SANBR: variants seen among roughly 807,000 people sequenced by gnomAD.
The protein encoded by SANBR is SANT and BTB domain regulator of CSR, also known as SANT and BTB domain regulator of class switch recombination.
In SANBR, 77 loss-of-function variants were observed where a neutral mutation model predicts 101.8. The ratio of observed to expected loss-of-function variants is 0.76; its 90% CI spans 0.63 to 0.91. The LOEUF (loss-of-function observed/expected upper bound fraction) is 0.91, where lower values mean the gene tolerates loss of function less well. SANBR is among the 40% of genes least tolerant of loss of function. SANBR has a pLI of 0.00. For synonymous variants in SANBR, 279 were observed against 274.7 expected, an observed-to-expected ratio of 1.02 and a Z score of -0.15; for missense variants, 875 against 853.0, an observed-to-expected ratio of 1.03 and a Z score of -0.32.
intron 11 of SANBR, among the ~76,000 whole-genome samples, chr2:61,093,870 C>T (rs947948301): frequency 2.0e-5 from 3 of 152,170 alleles, no homozygotes; most frequent in African/African-American, 7.2e-5. Flanking sequence ...CTTGTAGGAA[C>T]CTATAATAAA....
chr2:61,074,101 A>G (rs982165604), intron 5 of SANBR, among the ~76,000 whole-genome samples: 60 of 152,294 alleles, frequency 3.9e-4, no homozygotes, highest in African/African-American at 1.4e-3. Flanking sequence ...GACACAGAAT[A>G]TTTTTATTAT....
At chr2:61,105,255 A>G (rs931548449) in intron 13 of SANBR, among the ~76,000 whole-genome samples, 1 of 151,782 alleles carries the variant, frequency 6.6e-6, no homozygotes, top group Non-Finnish European at 1.5e-5. Context: ...AATCCTAGCT[A>G]TTTGAGAGGC....
chr2:61,090,537 C>T (rs1682686727), intron 10 of SANBR: 1 of 152,232 alleles, frequency 6.6e-6, no homozygotes, highest in Admixed American at 6.6e-5. Context: ...CACAGTCTCT[C>T]TCTGTTGCTG....
intron 14 of SANBR, among the ~76,000 whole-genome samples, 178 bp downstream of exon 14, chr2:61,106,840 T>A (rs1683597628): frequency 6.6e-6 from 1 of 152,106 alleles, no homozygotes; most frequent in Non-Finnish European, 1.5e-5. Context: ...CCTCAAAGAA[T>A]TAATAATGAA....
intron 20 of SANBR, among the ~76,000 whole-genome samples, chr2:61,130,666 C>G (rs1007201793): frequency 2.0e-5 from 3 of 151,186 alleles, no homozygotes; most frequent in African/African-American, 7.3e-5. Context: ...GTTTCACAAT[C>G]AGCTGGGCGT....
chr2:61,073,293 A>G (rs548694246), intron 4 of SANBR, among the ~76,000 whole-genome samples, 165 bp from the exon 5 acceptor site: 4 of 152,272 alleles, frequency 2.6e-5, no homozygotes, highest in South Asian at 2.1e-4. Flanking sequence ...TCTTCCATAT[A>G]TCTTTAGAAA....
At chr2:61,095,910 A>C (rs1377309359) in intron 11 of SANBR, among the ~76,000 whole-genome samples, 1 of 152,144 alleles carries the variant, frequency 6.6e-6, no homozygotes, top group Non-Finnish European at 1.5e-5. Context: ...TAATGGTATT[A>C]TCCATTCAGG....
At chr2:61,115,930 G>A in intron 16 of SANBR, 49 bp from the exon 17 acceptor site, 1 of 1,175,896 alleles carries the variant, frequency 8.5e-7, no homozygotes, top group Non-Finnish European at 1.2e-6. Flanking sequence ...CAAGTGGACT[G>A]GAAAAGTATA....
intron 16 of SANBR, among the ~76,000 whole-genome samples, chr2:61,110,884 A>T (rs1683799131): frequency 6.6e-6 from 1 of 152,014 alleles, no homozygotes; most frequent in African/African-American, 2.4e-5. Flanking sequence ...TGTAAGTTAG[A>T]TACAAAATTG....
Position 61,122,974 on chromosome 2 carries a change from A to G in SANBR, c.*812A>G, listed in dbSNP as rs938946239. ...TCTCAGGGCTCTAAAACCCAACCAT[A>G]TTTCTGTAACCATTCAAATAACTCC... On this transcript the variant is annotated 3_prime_UTR_variant, in exon 22 of 22. Coordinates refer to ENST00000402291, the MANE Select transcript of SANBR (RefSeq NM_001129993.3). 4 of 984,630 alleles carry G rather than the reference A, an allele frequency of 4.1e-6. No homozygotes were observed. In the Admixed American group the frequency reaches 2.5e-4, roughly 61 times the overall value. The allele number at this position is 984,630 out of a possible 1,614,324, so 61.0% of individuals were successfully genotyped here.
At chr2:61,090,304 C>T (rs888341694) in intron 10 of SANBR, 1 of 152,144 alleles carries the variant, frequency 6.6e-6, no homozygotes, top group Admixed American at 6.6e-5. Flanking sequence ...ATTTATAGCA[C>T]ACACTGTTAT....
chr2:61,102,741 T>C (rs1397416554), intron 12 of SANBR, among the ~76,000 whole-genome samples: 1 of 151,996 alleles, frequency 6.6e-6, no homozygotes, highest in Non-Finnish European at 1.5e-5. Flanking sequence ...TTTCACCATG[T>C]TGGCCAGGCT....
intron 5 of SANBR, among the ~76,000 whole-genome samples, chr2:61,073,963 C>T (rs935121432): frequency 9.4e-6 from 1 of 106,224 alleles, no homozygotes; most frequent in Non-Finnish European, 1.8e-5. Flanking sequence ...CAGTGTATTG[C>T]AAGTTTTGAT....
chr2:61,136,902 G>A (rs1309119948), intron 21 of SANBR, among the ~76,000 whole-genome samples: 5 of 142,806 alleles, frequency 3.5e-5, no homozygotes, highest in African/African-American at 1.0e-4. Flanking sequence ...CTTGGGAGGC[G>A]AAGGTTGCAG....
intron 8 of SANBR, among the ~76,000 whole-genome samples, chr2:61,086,843 T>A (rs1347356350): frequency 6.6e-6 from 1 of 152,108 alleles, no homozygotes; most frequent in African/African-American, 2.4e-5. Flanking sequence ...ATTCAAGAAT[T>A]TAATCCTTAA....
intron 5 of SANBR, among the ~76,000 whole-genome samples, chr2:61,076,259 C>G (rs1681767841): frequency 1.3e-5 from 2 of 149,804 alleles, no homozygotes; most frequent in East Asian, 2.0e-4. Context: ...TCCCAAAGTG[C>G]TGGGATTACA....
chr2:61,136,258 C>G (rs1325356808), intron 21 of SANBR, among the ~76,000 whole-genome samples: 1 of 145,118 alleles, frequency 6.9e-6, no homozygotes, highest in Non-Finnish European at 1.5e-5. Context: ...GAGCCAAGAT[C>G]GCACCACTGT....
intron 13 of SANBR, among the ~76,000 whole-genome samples, chr2:61,106,013 CCA>C (rs1173638977): frequency 9.9e-5 from 15 of 152,146 alleles, no homozygotes; most frequent in Admixed American, 9.8e-4. Context: ...GCCCATTCCA[CCA>C]CCTCATAGGT....
intron 10 of SANBR, 41 bp downstream of exon 10, chr2:61,088,509 A>C (rs749558272): frequency 1.7e-6 from 2 of 1,187,168 alleles, no homozygotes; most frequent in African/African-American, 3.2e-5. Flanking sequence ...TTTTGTATAT[A>C]TATATATATA....
Sources: gnomAD v4.1 joint callset for allele counts (sites outside exome capture counted in the v4.1 genomes callset) on GRCh38, gnomAD v4.1.1 for gene constraint, MANE v1.5 for transcripts, NCBI Gene and HGNC (gene_info 2026-07-23, HGNC 2026-07-21) for gene names.